Variants in VWA3A observed in about 807,000 individuals in gnomAD.
The protein encoded by VWA3A is von Willebrand factor A domain containing 3A, also known as von Willebrand factor A domain-containing protein 3A.
In VWA3A, 134 loss-of-function variants were observed where a neutral mutation model predicts 160.4. The ratio of observed to expected loss-of-function variants is 0.84; its 90% CI spans 0.73 to 0.96. The LOEUF (loss-of-function observed/expected upper bound fraction) is 0.96, where lower values mean the gene tolerates loss of function less well. VWA3A is among the 40% of genes least tolerant of loss of function. VWA3A has a pLI of 0.00. For synonymous variants in VWA3A, 476 were observed against 543.4 expected (o/e 0.88, Z 1.72); for missense variants, 1,310 against 1,447.9 (o/e 0.90, Z 1.55).
intron 17 of VWA3A, among the ~76,000 whole-genome samples, chr16:22,128,260 T>C (rs1291685025): frequency 6.6e-6 from 1 of 152,174 alleles, no homozygotes. Context: ...CGTCTTCAAA[T>C]GCTCAAGCAA....
Position 22,117,299 on chromosome 16 carries a change from A to G in VWA3A, c.990+123A>G, listed in dbSNP as rs566578038. 1.4e-4 allele frequency: 146 copies of G among 1,042,858 alleles called. No homozygotes were observed. The East Asian group carries it at 3.7e-3, about 27-fold the overall frequency. The allele number at this position is 1,042,858 out of a possible 1,614,324, so 64.6% of individuals were successfully genotyped here. A position where few individuals can be genotyped will look rare whatever the true frequency, so the allele number is the denominator to read the frequency against. Reference sequence around the variant, plus strand: ...TGTTTCTCCTTTTCTCCTTGTCCCCACCTGTATTCAATGAGGTTACACAGG... The same window carrying G: ...TGTTTCTCCTTTTCTCCTTGTCCCCGCCTGTATTCAATGAGGTTACACAGG... On this transcript the variant is annotated intron_variant, in intron 11 of 33. Transcript: ENST00000389398.
intron 10 of VWA3A, 76 bp downstream of exon 10, chr16:22,116,943 C>G: frequency 1.4e-6 from 2 of 1,469,680 alleles, no homozygotes; most frequent in Non-Finnish European, 9.5e-7. Context: ...AGGCCTCATG[C>G]TTGGACAGGC....
At chr16:22,151,914 T>G (rs2046355127) in intron 30 of VWA3A, among the ~76,000 whole-genome samples, 1 of 151,868 alleles carries the variant, frequency 6.6e-6, no homozygotes, top group Non-Finnish European at 1.5e-5. Flanking sequence ...GTCCCATAAA[T>G]AAATGGGGGC....
chr16:22,115,477 GTCT>G lies in VWA3A; in HGVS notation c.815+10_815+12del. 2 of 1,601,712 alleles carry G rather than the reference GTCT, an allele frequency of 1.2e-6. No homozygotes were observed. Among genetic ancestry groups the G allele is most frequent in the Middle Eastern group, 1.7e-4 (1 of 6,008 alleles). ...GGTGGCCATCATGAGAAGCTGGTAGGTCTTCTTTCCTAAGCAGGTGACATACTA... is the reference window on the plus strand; with the variant it reads ...GGTGGCCATCATGAGAAGCTGGTAGGTCTTTCCTAAGCAGGTGACATACTA... On this transcript the variant is annotated splice_donor_region_variant and intron_variant, in intron 9 of 33. Transcript: ENST00000389398.
Position 22,150,862 on chromosome 16 carries a change from TCTGA to T in VWA3A, c.3281+21_3281+24del, listed in dbSNP as rs1490310119. The T allele has an allele frequency of 1.1e-5, 18 of 1,606,102 alleles. No homozygotes were observed. The highest frequency in any genetic ancestry group is 1.4e-5 in the Non-Finnish European group (17 of 1,175,870). ...GCTCAGACAGGTGCGCAATATGGAG[TCTGA>T]CTGAGTTTTATTCTTTTTCCACAGC... On this transcript the variant is annotated intron_variant, in intron 30 of 33. Transcript: ENST00000389398.
intron 17 of VWA3A, among the ~76,000 whole-genome samples, chr16:22,127,790 T>C (rs1192087538): frequency 2.0e-5 from 3 of 152,214 alleles, no homozygotes; most frequent in Non-Finnish European, 4.4e-5. Flanking sequence ...GAGGAACTCA[T>C]GGCCTAACAG....
At chr16:22,137,506 C>A (rs1272101441) in intron 21 of VWA3A, among the ~76,000 whole-genome samples, 1 of 152,184 alleles carries the variant, frequency 6.6e-6, no homozygotes, top group Non-Finnish European at 1.5e-5. Context: ...GAACCTTAAG[C>A]TCACAGAGCT....
chr16:22,096,281 T>A (rs2045319844), intron 1 of VWA3A, among the ~76,000 whole-genome samples: 1 of 152,156 alleles, frequency 6.6e-6, no homozygotes. Flanking sequence ...AGGTGTTCAA[T>A]AAGTATTTAC....
At chr16:22,121,723 C>T in intron 14 of VWA3A, 106 bp downstream of exon 14, 1 of 888,174 alleles carries the variant, frequency 1.1e-6, no homozygotes. Flanking sequence ...GGGATTCAGG[C>T]TTCCCACCCA....
chr16:22,109,554 A>G lies in VWA3A; in HGVS notation c.556A>G (p.Lys186Glu). Reference protein sequence around the residue: ...DVSAISSGPQKEEFQKDLMSL... With the variant: ...DVSAISSGPQEEEFQKDLMSL... ...GTCAGCCATCAGCAGTGGCCCTCAG[A>G]AAGAAGAGTTCCAAAAGGACCTCAT... The change falls in exon 7 of 34, where the codon AAA (lysine) becomes GAA (glutamate). Residue 186 changes from lysine (K) to glutamate (E), a missense_variant. Transcript: ENST00000389398. The G allele has an allele frequency of 1.2e-6, 2 of 1,613,774 alleles. No homozygotes were observed. Among genetic ancestry groups the G allele is most frequent in the Non-Finnish European group, 1.7e-6 (2 of 1,179,870 alleles).
At chr16:22,131,317 A>G in intron 18 of VWA3A, 38 bp downstream of exon 18, 2 of 1,608,052 alleles carry the variant, frequency 1.2e-6, no homozygotes, top group Non-Finnish European at 1.7e-6. Flanking sequence ...GCTGTGTCTG[A>G]GGGAAGGTTT....
intron 15 of VWA3A, chr16:22,123,377 C>A: frequency 7.1e-7 from 1 of 1,416,030 alleles, no homozygotes; most frequent in Non-Finnish European, 9.6e-7. Flanking sequence ...GCTTCTAATC[C>A]TCTGGGGAAA....
chr16:22,106,109 G>A (rs1034610461), intron 6 of VWA3A, among the ~76,000 whole-genome samples: 6 of 152,188 alleles, frequency 3.9e-5, no homozygotes, highest in Non-Finnish European at 8.8e-5. Context: ...TTGAGGCCGG[G>A]CGTGGTGGTG....
At chr16:22,145,422 T>A (rs1238961471) in intron 26 of VWA3A, among the ~76,000 whole-genome samples, 1 of 152,130 alleles carries the variant, frequency 6.6e-6, no homozygotes, top group Non-Finnish European at 1.5e-5. Context: ...GCGGATCACC[T>A]GAGGTCAGGA....
At position 22,156,230 on chromosome 16, in the gene VWA3A, ACT is replaced by A. The variant is rs1480848077; in HGVS notation, c.*216_*217del. 3.3e-6 allele frequency: 1 copy of A among 306,360 alleles called. No homozygotes were observed. The highest frequency in any genetic ancestry group is 6.1e-6 in the Non-Finnish European group (1 of 165,084). 19.0% of individuals were successfully genotyped at this position (306,360 alleles called of 1,614,324 possible). A position where few individuals can be genotyped will look rare whatever the true frequency, so the allele number is the denominator to read the frequency against. On this transcript the variant is annotated 3_prime_UTR_variant, in exon 34 of 34. Coordinates refer to ENST00000389398, the MANE Select transcript of VWA3A (RefSeq NM_173615.5). ...ACTCTCCAGCCCTGTCCCGCAGCGCACTCTACTCTCCAGCCACTAGATTGTCC... is the reference window on the plus strand; with the variant it reads ...ACTCTCCAGCCCTGTCCCGCAGCGCACTACTCTCCAGCCACTAGATTGTCC...
chr16:22,126,314 T>G lies in VWA3A; in HGVS notation c.1652+17T>G, dbSNP rs2033847537. 1.2e-6 allele frequency: 2 copies of G among 1,608,778 alleles called. No homozygotes were observed. Among genetic ancestry groups the G allele is most frequent in the African/African-American group, 2.7e-5 (2 of 74,732 alleles). ...CCTCATCGCGTATGTGTCTCCTGGC[T>G]CCTGGGGGCAAGGGTGGGTCGTGTG... On this transcript the variant is annotated intron_variant, in intron 17 of 33. Coordinates refer to ENST00000389398, the MANE Select transcript of VWA3A (RefSeq NM_173615.5).
chr16:22,122,578 A>G (rs941958987), intron 14 of VWA3A, among the ~76,000 whole-genome samples: 4 of 152,172 alleles, frequency 2.6e-5, no homozygotes, highest in African/African-American at 9.6e-5. Flanking sequence ...CTAGCAGTGC[A>G]TGGATGAATG....
intron 20 of VWA3A, among the ~76,000 whole-genome samples, chr16:22,133,649 CAAAA>C (rs1230000179): frequency 1.2e-5 from 1 of 82,056 alleles, no homozygotes; most frequent in Non-Finnish European, 2.6e-5. Flanking sequence ...AACTCTGTCT[CAAAA>C]AAAAAAAAAA....
At chr16:22,131,084 C>T in intron 17 of VWA3A, 121 bp from the exon 18 acceptor site, 1 of 853,388 alleles carries the variant, frequency 1.2e-6, no homozygotes. Context: ...CAGTGACATC[C>T]TCACATTTTA....
Sources: gnomAD v4.1 joint callset for allele counts (sites outside exome capture counted in the v4.1 genomes callset) on GRCh38, gnomAD v4.1.1 for gene constraint, MANE v1.5 for transcripts, NCBI Gene and HGNC (gene_info 2026-07-23, HGNC 2026-07-21) for gene names.